The following PALM3 variants were observed in gnomAD, a reference collection of about 807,000 sequenced individuals.
PALM3 encodes paralemmin 3, also known as paralemmin-3.
In PALM3, 20 loss-of-function variants were observed where a neutral mutation model predicts 27.9. That is an observed-to-expected ratio of 0.72 (90% confidence interval 0.50 to 1.04). The LOEUF is 1.04. Ranked by LOEUF, PALM3 falls within the 50% of genes least tolerant of loss-of-function variation. The pLI, the probability that PALM3 is intolerant of heterozygous loss-of-function variation, is 0.00. For missense variants in PALM3, 814 were observed against 869.4 expected, an observed-to-expected ratio of 0.94 and a Z score of 0.80; for synonymous variants, 328 against 352.7, an observed-to-expected ratio of 0.93 and a Z score of 0.79.
At chr19:14,058,542 T>G (rs1976359397) in intron 2 of PALM3, among the ~76,000 whole-genome samples, 1 of 149,334 alleles carries the variant, frequency 6.7e-6, no homozygotes, top group Non-Finnish European at 1.5e-5. Context: ...GATACTGAGG[T>G]GTAGAGGTGG....
rs1319807010 is a variant in PALM3 at position 14,054,303 on chromosome 19, T to C, written c.1369A>G (p.Lys457Glu). Residue 457 changes from lysine (K) to glutamate (E), a missense_variant, in exon 7 of 7, where the codon AAG (lysine) becomes GAG (glutamate). Transcript: ENST00000669674. ...CCTCCTTCCCTCTCTGTTCCCAGCT[T>C]TTCTGCACTTCCTCTGCTCTCCAGC... ...LELESRGSAEKLGTEREGGEE... is the reference protein window; with the variant it reads ...LELESRGSAEELGTEREGGEE... The C allele has an allele frequency of 4.5e-6, 7 of 1,552,152 alleles. No homozygotes were observed. The highest frequency in any genetic ancestry group is 2.0e-5 in the Admixed American group (1 of 50,952).
intron 1 of PALM3, 35 bp downstream of exon 1, chr19:14,061,905 T>A (rs1976419787): frequency 3.1e-6 from 3 of 973,968 alleles, no homozygotes; most frequent in Non-Finnish European, 2.4e-6. Context: ...CCCAAGGCCC[T>A]GCCCACCAGC....
intron 1 of PALM3, among the ~76,000 whole-genome samples, chr19:14,060,425 C>T (rs1377102536): frequency 6.6e-6 from 1 of 152,126 alleles, no homozygotes; most frequent in East Asian, 1.9e-4. Flanking sequence ...CAACTCTTTG[C>T]TGAGTTGACA....
intron 1 of PALM3, 132 bp downstream of exon 1, chr19:14,061,808 C>A: frequency 2.2e-6 from 1 of 451,020 alleles, no homozygotes; most frequent in Non-Finnish European, 2.9e-6. Context: ...GGTTGGCTAG[C>A]CAACCCCTCC....
intron 6 of PALM3, 61 bp downstream of exon 6, chr19:14,055,319 C>T (rs761824938): frequency 1.9e-5 from 27 of 1,452,492 alleles, no homozygotes; most frequent in African/African-American, 8.7e-5. Flanking sequence ...CCTTGAGTCA[C>T]CCTCTCACAC....
Position 14,053,580 on chromosome 19 carries a change from G to A in PALM3, c.*25C>T. On this transcript the variant is annotated 3_prime_UTR_variant, in exon 7 of 7. Transcript: ENST00000669674. ...GGCCGAGGTAGCTGTGAGAGGAGCT[G>A]GACATGGGGTGGAGGGGCATGGGTT... 1 of 1,444,790 alleles carries A rather than the reference G, an allele frequency of 6.9e-7. No individual in the cohort carries two copies. The highest frequency in any genetic ancestry group is 9.1e-7 in the Non-Finnish European group (1 of 1,097,328). 89.5% of individuals were successfully genotyped at this position (1,444,790 alleles called of 1,614,324 possible).
At chr19:14,058,320 C>T (rs1245765187) in intron 2 of PALM3, among the ~76,000 whole-genome samples, 8 of 142,544 alleles carry the variant, frequency 5.6e-5, no homozygotes, top group Admixed American at 2.9e-4. Flanking sequence ...AAGTTGAGTG[C>T]GAAGAGATAG....
rs374267554 is a variant in PALM3, at chr19:14,056,437, G to A, written c.391C>T (p.Arg131Cys). Residue 131 changes from arginine (R) to cysteine (C), a missense_variant, in exon 5 of 7, where the codon CGC becomes TGC. Transcript: ENST00000669674. ...QHKPSGRPSWRRQGHRPLSQS... is the reference protein window; with the variant it reads ...QHKPSGRPSWCRQGHRPLSQS... ...CCTGATTCCCCCCTCACCTGTCTGCGCCAGCTGGGCCTGCCTGAGGGCTTG... is the reference window on the plus strand; with the variant it reads ...CCTGATTCCCCCCTCACCTGTCTGCACCAGCTGGGCCTGCCTGAGGGCTTG... 133 of 1,550,850 alleles carry A rather than the reference G, an allele frequency of 8.6e-5. No individual in the cohort carries two copies. In the East Asian group the frequency reaches 1.4e-3, roughly 17 times the overall value.
chr19:14,056,533 G>C lies in PALM3; in HGVS notation c.315-20C>G. The C allele has an allele frequency of 7.1e-6, 11 of 1,549,452 alleles. No homozygotes were observed. The highest frequency in any genetic ancestry group is 9.6e-6 in the Non-Finnish European group (11 of 1,145,440). Reference sequence around the variant, plus strand: ...TGGAGTCTGAAGAAGAGAGAGGGCTGCTAGGAGCTGGGCCCCCAGGCTCCT... The same window carrying C: ...TGGAGTCTGAAGAAGAGAGAGGGCTCCTAGGAGCTGGGCCCCCAGGCTCCT... On this transcript the variant is annotated intron_variant, in intron 4 of 6. Coordinates refer to ENST00000669674, the MANE Select transcript of PALM3 (RefSeq NM_001145028.2).
Position 14,054,559 on chromosome 19 carries a change from C to A in PALM3, c.1113G>T (p.Leu371=). ...RVTLSEEWEE[L]LVEGLEGPEV... Reference sequence around the variant, plus strand: ...CGGGCCCTTCCAACCCCTCCACCAGCAGCTCCTCCCACTCTTCACTGAGGG... The same window carrying A: ...CGGGCCCTTCCAACCCCTCCACCAGAAGCTCCTCCCACTCTTCACTGAGGG... The change falls in exon 7 of 7, where the codon CTG becomes CTT. Residue 371 remains leucine, a synonymous_variant. Coordinates refer to ENST00000669674, the MANE Select transcript of PALM3 (RefSeq NM_001145028.2). The A allele has an allele frequency of 6.4e-7, 1 of 1,551,898 alleles. No individual in the cohort carries two copies. The highest frequency in any genetic ancestry group is 8.7e-7 in the Non-Finnish European group (1 of 1,147,042).
chr19:14,057,951 T>C (rs1176932561), intron 2 of PALM3, among the ~76,000 whole-genome samples: 2 of 151,854 alleles, frequency 1.3e-5, no homozygotes, highest in Non-Finnish European at 2.9e-5. Context: ...CTACTAAAAA[T>C]ACAAAAATTA....
intron 2 of PALM3, chr19:14,057,638 TGG>T (rs1376567788): frequency 3.6e-5 from 1 of 27,670 alleles, no homozygotes; most frequent in Non-Finnish European, 8.6e-5. Context: ...GCGGGCGGAG[TGG>T]GGGGGGCGGG....
chr19:14,059,971 C>A (rs1976389650), intron 1 of PALM3, among the ~76,000 whole-genome samples: 1 of 152,110 alleles, frequency 6.6e-6, no homozygotes, highest in South Asian at 2.1e-4. Flanking sequence ...CACTTAGGCT[C>A]CCGTGGAAGC....
At position 14,054,671 on chromosome 19, in the gene PALM3, T is replaced by C; in HGVS notation, c.1001A>G (p.Glu334Gly). Reference sequence around the variant, plus strand: ...CTCAGGGCTGCCCTGGGGCACATCTTCCCCTTCTATGGAAGCTGCTGCCTC... The same window carrying C: ...CTCAGGGCTGCCCTGGGGCACATCTCCCCCTTCTATGGAAGCTGCTGCCTC... ...RLEAAASIEGEDVPQGSPEGD... is the reference protein window; with the variant it reads ...RLEAAASIEGGDVPQGSPEGD... The change falls in exon 7 of 7, where the codon GAA (glutamate) becomes GGA (glycine). Residue 334 changes from glutamate to glycine, a missense_variant. Coordinates refer to ENST00000669674, the MANE Select transcript of PALM3 (RefSeq NM_001145028.2). 1 of 1,551,216 alleles carries C rather than the reference T, an allele frequency of 6.4e-7. No individual in the cohort carries two copies. The highest frequency in any genetic ancestry group is 8.7e-7 in the Non-Finnish European group (1 of 1,146,778).
Position 14,059,149 on chromosome 19 carries a change from C to G in PALM3, c.56G>C (p.Ser19Thr). The change falls in exon 2 of 7, where the codon AGC becomes ACC. Residue 19 changes from serine to threonine, a missense_variant. Transcript: ENST00000669674. The stretch of plus-strand genomic sequence containing the variant: ...TTCTAGCCGCTGCCGGTAGAGGGAG[C>G]TCTCCGCCATGGGCCTGTTGGGAGA... ...SLATPMPMAESSLYRQRLEVI... is the reference protein window; with the variant it reads ...SLATPMPMAETSLYRQRLEVI... 1 of 1,437,482 alleles carries G rather than the reference C, an allele frequency of 7.0e-7. No individual in the cohort carries two copies. Among genetic ancestry groups the G allele is most frequent in the Non-Finnish European group, 9.1e-7 (1 of 1,096,506 alleles). The allele number at this position is 1,437,482 out of a possible 1,614,324, so 89.0% of individuals were successfully genotyped here. A position where few individuals can be genotyped will look rare whatever the true frequency, so the allele number is the denominator to read the frequency against.
chr19:14,053,445 G>T lies in PALM3; in HGVS notation c.*160C>A. 1 of 733,356 alleles carries T rather than the reference G, an allele frequency of 1.4e-6. No individual in the cohort carries two copies. Among genetic ancestry groups the T allele is most frequent in the Non-Finnish European group, 2.0e-6 (1 of 491,630 alleles). 45.4% of individuals were successfully genotyped at this position (733,356 alleles called of 1,614,324 possible). On this transcript the variant is annotated 3_prime_UTR_variant, in exon 7 of 7. Transcript: ENST00000669674. ...GCCAGGGTTACAGGCAGTGGGCAAGGGGTCTGGAAGCCCAGGTTTAGGTGG... is the reference window on the plus strand; with the variant it reads ...GCCAGGGTTACAGGCAGTGGGCAAGTGGTCTGGAAGCCCAGGTTTAGGTGG...
At chr19:14,060,507 G>A (rs1315016236) in intron 1 of PALM3, among the ~76,000 whole-genome samples, 1 of 151,860 alleles carries the variant, frequency 6.6e-6, no homozygotes, top group Non-Finnish European at 1.5e-5. Context: ...GTAATTCACT[G>A]AATCCTCCCA....
In PALM3 at chr19:14,054,212, T is replaced by C. The variant is rs1334826616; in HGVS notation, c.1460A>G (p.Glu487Gly). The stretch of plus-strand genomic sequence containing the variant: ...CTCCTCCTCTGCCCCTCGCTTTTCC[T>C]CATCTCCTTCCTTCTCTGCCCTCAA... Reference protein sequence around the residue: ...GHLRAEKEGDEEKRGAEEEEV... With the variant: ...GHLRAEKEGDGEKRGAEEEEV... The change falls in exon 7 of 7, where the codon GAG (glutamate) becomes GGG (glycine). Residue 487 changes from glutamate (E) to glycine (G), a missense_variant. Glu to Gly is a moderately conservative substitution (Grantham distance 98). Transcript: ENST00000669674. 1.3e-6 allele frequency: 2 copies of C among 1,551,892 alleles called. No individual in the cohort carries two copies. The highest frequency in any genetic ancestry group is 1.4e-5 in the African/African-American group (1 of 72,912).
In PALM3 at chr19:14,054,024, C is replaced by T; in HGVS notation, c.1648G>A (p.Glu550Lys). The change falls in exon 7 of 7, where the codon GAG (glutamate) becomes AAG (lysine). Residue 550 changes from glutamate to lysine, a missense_variant. By Grantham distance (56) the Glu-to-Lys change is moderately conservative. Transcript: ENST00000669674. The part of the protein sequence containing the change: ...SLETEKTQGT[E>K]GDLNLEQGSR... ...CCTTGTTCTAGATTCAGATCTCCCT[C>T]CGTCCCTTGGGTCTTCTCTGTCTCC... The T allele has an allele frequency of 6.4e-7, 1 of 1,551,788 alleles. No individual in the cohort carries two copies. The highest frequency in any genetic ancestry group is 8.7e-7 in the Non-Finnish European group (1 of 1,147,002).
Sources: gnomAD v4.1 joint callset for allele counts (sites outside exome capture counted in the v4.1 genomes callset) on GRCh38, gnomAD v4.1.1 for gene constraint, MANE v1.5 for transcripts, NCBI Gene and HGNC (gene_info 2026-07-23, HGNC 2026-07-21) for gene names.